COL4A4: variants seen among roughly 807,000 people sequenced by gnomAD.
COL4A4 encodes collagen alpha-4(IV) chain.
COL4A4 carries 105 observed loss-of-function variants against 192.9 expected under a neutral mutation model. That is an observed-to-expected ratio of 0.54 (90% CI 0.46 to 0.64). The LOEUF is 0.64. Among genes scored for constraint, COL4A4 ranks in the 30% least tolerant of loss-of-function variants. The probability of loss-of-function intolerance (pLI) is 0.00; values close to 1 mark genes in which losing one functional copy is unlikely to be tolerated. For missense variants in COL4A4, 1,967 were observed against 2,169.3 expected, an observed-to-expected ratio of 0.91 and a Z score of 1.85; for synonymous variants, 762 against 769.9, an observed-to-expected ratio of 0.99 and a Z score of 0.17.
downstream of COL4A4, chr2:226,998,217 G>GTGA (rs150492139): frequency 8.9e-4 from 136 of 152,302 alleles, no homozygotes; most frequent in African/African-American, 3.1e-3. Context: ...TGTATTGCCT[G>GTGA]TGATTCCAAA....
intron 17 of COL4A4, among the ~76,000 whole-genome samples, chr2:227,100,819 T>G (rs904779478): frequency 4.5e-4 from 69 of 151,766 alleles, no homozygotes; most frequent in Non-Finnish European, 1.8e-4. Flanking sequence ...TTTTTTTTTT[T>G]TTTGAGATGG....
Position 227,045,874 on chromosome 2 carries a change from A to T in COL4A4, c.3289+1601T>A, listed in dbSNP as rs1559488506. Among the ~76,000 whole-genome samples the T allele has an allele frequency of 3.0e-3, 105 of 35,544 alleles. 31 individuals are homozygous for T. The highest frequency in any genetic ancestry group is 8.9e-3 in the African/African-American group (73 of 8,208). 23.3% of individuals were successfully genotyped at this position (35,544 alleles called of 152,430 possible). On this transcript the variant is annotated intron_variant, in intron 35 of 47. Transcript: ENST00000396625. ...CACATATATATATACACATATATAT[A>T]CATATATATGTATATATATTTAGAT...
At position 227,082,128 on chromosome 2, in the gene COL4A4, T is replaced by C. The variant is rs2059358476; in HGVS notation, c.1683A>G (p.Val561=). 2.5e-6 allele frequency: 4 copies of C among 1,614,044 alleles called. No individual in the cohort carries two copies. Among genetic ancestry groups the C allele is most frequent in the East Asian group, 2.2e-5 (1 of 44,894 alleles). ...GATTATGCTCACCTTTAACTCTTGA[T>C]ACAACCATGTCACCCTTCGCCCCTT... ...GNKGAKGDMV[V]SRVKGHKGER... Residue 561 remains valine (V), a synonymous_variant, in exon 23 of 48, where the codon GTA becomes GTG. Coordinates refer to ENST00000396625, the MANE Select transcript of COL4A4 (RefSeq NM_000092.5).
intron 24 of COL4A4, 46 bp from the exon 25 acceptor site, chr2:227,078,123 A>C: frequency 6.3e-7 from 1 of 1,596,726 alleles, no homozygotes; most frequent in Non-Finnish European, 8.6e-7. Flanking sequence ...CTGAATGTCC[A>C]TGAACTCAAA....
intron 29 of COL4A4, 21 bp from the exon 30 acceptor site, chr2:227,056,136 C>T (rs749356974): frequency 9.9e-6 from 16 of 1,612,002 alleles, no homozygotes; most frequent in Non-Finnish European, 1.2e-5. Flanking sequence ...CCACAGTGAC[C>T]ACAGTGTGTG....
At chr2:227,075,699 GTC>G (rs1406596581) in intron 25 of COL4A4, among the ~76,000 whole-genome samples, 1 of 152,092 alleles carries the variant, frequency 6.6e-6, no homozygotes, top group African/African-American at 2.4e-5. Context: ...AAGTCAAATT[GTC>G]TCTGTTTGCA....
chr2:226,968,109 C>T, the COL4A4 span, among the ~76,000 whole-genome samples: 1 of 152,080 alleles, frequency 6.6e-6, no homozygotes, highest in Non-Finnish European at 1.5e-5. Context: ...GTGTAGTTTA[C>T]AAAGATAGGA....
chr2:227,115,639 A>AAT (rs2061453437), intron 7 of COL4A4, among the ~76,000 whole-genome samples: 1 of 152,166 alleles, frequency 6.6e-6, no homozygotes, highest in Non-Finnish European at 1.5e-5. Context: ...TTATATATCA[A>AAT]GCTCATATGA....
chr2:227,071,059 A>G (rs1048734110), intron 25 of COL4A4, among the ~76,000 whole-genome samples: 3 of 152,092 alleles, frequency 2.0e-5, no homozygotes, highest in Admixed American at 6.6e-5. Context: ...AATACCTCAC[A>G]TCTCAATATT....
At chr2:227,080,582 T>G in intron 23 of COL4A4, 33 bp from the exon 24 acceptor site, 26 of 1,572,440 alleles carry the variant, frequency 1.7e-5, no homozygotes, top group East Asian at 2.2e-5. Context: ...ATTCAAGCTC[T>G]TATCAGCAGA....
intron 4 of COL4A4, among the ~76,000 whole-genome samples, chr2:227,132,360 T>C (rs1296719803): frequency 6.6e-6 from 1 of 152,202 alleles, no homozygotes; most frequent in African/African-American, 2.4e-5. Context: ...GGGACTTTCT[T>C]CTTTACGACT....
chr2:227,157,617 CTTATAA>C (rs970376066), intron 1 of COL4A4, among the ~76,000 whole-genome samples: 7 of 151,784 alleles, frequency 4.6e-5, no homozygotes, highest in African/African-American at 1.5e-4. Flanking sequence ...AGAGAATCTT[CTTATAA>C]TTATATGTCA....
intron 25 of COL4A4, among the ~76,000 whole-genome samples, chr2:227,065,234 C>A (rs1018189081): frequency 4.6e-5 from 7 of 152,144 alleles, no homozygotes; most frequent in African/African-American, 1.7e-4. Context: ...CTCGGAGGGT[C>A]CTACGCCAGG....
chr2:227,011,146 C>T (rs368935786), intron 45 of COL4A4, among the ~76,000 whole-genome samples: 1 of 152,170 alleles, frequency 6.6e-6, no homozygotes, highest in Non-Finnish European at 1.5e-5. Context: ...CTGTATCCTT[C>T]GGCACCTCTA....
intron 22 of COL4A4, among the ~76,000 whole-genome samples, chr2:227,088,117 G>A (rs12618317): frequency 2.0e-5 from 3 of 152,160 alleles, no homozygotes; most frequent in African/African-American, 7.2e-5. Context: ...GTAAACGATG[G>A]ATGAATGGAT....
chr2:227,085,166 C>A (rs760893341), intron 22 of COL4A4, among the ~76,000 whole-genome samples: 1 of 147,258 alleles, frequency 6.8e-6, no homozygotes, highest in Non-Finnish European at 1.5e-5. Flanking sequence ...ACAAAAAAAA[C>A]ACTTCCTCTC....
intron 19 of COL4A4, among the ~76,000 whole-genome samples, chr2:227,098,276 T>A (rs1249038661): frequency 6.6e-6 from 1 of 152,150 alleles, no homozygotes; most frequent in African/African-American, 2.4e-5. Flanking sequence ...TGGGAAAACA[T>A]GGGGAAACAC....
intron 17 of COL4A4, among the ~76,000 whole-genome samples, chr2:227,099,946 T>C (rs757893052): frequency 6.6e-6 from 1 of 152,240 alleles, no homozygotes; most frequent in Non-Finnish European, 1.5e-5. Context: ...AGTGAAATTA[T>C]TCTATGCCTA....
intron 19 of COL4A4, among the ~76,000 whole-genome samples, chr2:227,094,597 A>C (rs2060110585): frequency 6.6e-6 from 1 of 152,182 alleles, no homozygotes; most frequent in Non-Finnish European, 1.5e-5. Flanking sequence ...TTAGTCATGC[A>C]AGATAAATAA....
Sources: allele counts gnomAD v4.1 joint callset (sites outside exome capture counted in the v4.1 genomes callset), GRCh38; gene constraint gnomAD v4.1.1; transcripts MANE v1.5; gene names NCBI Gene and HGNC (gene_info 2026-07-23, HGNC 2026-07-21).